The following GLRA1 variants were observed in gnomAD, a reference collection of about 807,000 sequenced individuals.
GLRA1 encodes glycine receptor subunit alpha-1.
GLRA1 carries 37 observed loss-of-function variants against 48.3 expected under a neutral mutation model. The observed-to-expected ratio is 0.77, with a 90% CI of 0.59 to 1.01. GLRA1 has a LOEUF of 1.01. Ranked by LOEUF, GLRA1 falls within the 50% of genes least tolerant of loss-of-function variation. The pLI is 0.00. For missense variants in GLRA1, 427 were observed against 571.0 expected, an observed-to-expected ratio of 0.75 and a Z score of 2.57; for synonymous variants, 196 against 210.7, an observed-to-expected ratio of 0.93 and a Z score of 0.60.
At chr5:151,897,981 T>C (rs1754263741) in intron 1 of GLRA1, among the ~76,000 whole-genome samples, 1 of 152,146 alleles carries the variant, frequency 6.6e-6, no homozygotes, top group Non-Finnish European at 1.5e-5. Flanking sequence ...TTTTGGTACT[T>C]AAAGGACCTC....
intron 3 of GLRA1, among the ~76,000 whole-genome samples, chr5:151,879,409 C>T (rs941634764): frequency 2.0e-5 from 3 of 151,688 alleles, no homozygotes. Flanking sequence ...GGCTGGAGTG[C>T]AGTGGCACCA....
chr5:151,922,954 G>A (rs567668484), intron 1 of GLRA1, among the ~76,000 whole-genome samples: 1 of 152,316 alleles, frequency 6.6e-6, no homozygotes, highest in East Asian at 1.9e-4. Context: ...CCATACATTT[G>A]TAGTTCTATT....
Position 151,873,464 on chromosome 5 carries a change from A to C in GLRA1, c.252+13257T>G, listed in dbSNP as rs544307262. 1.7e-4 allele frequency among the ~76,000 whole-genome samples: 25 copies of C among 150,346 alleles called. No homozygotes were observed. In the South Asian group the frequency reaches 4.2e-3, roughly 25 times the overall value. ...AGCTTGAGGTCAGGAATTTGAGACC[A>C]GCCTGGCCAATATGGTAAAACCCCA... is the stretch of plus-strand genomic sequence containing the variant. On this transcript the variant is annotated intron_variant, in intron 3 of 8. Transcript: ENST00000274576.
intron 7 of GLRA1, among the ~76,000 whole-genome samples, chr5:151,840,658 G>A (rs898694367): frequency 9.3e-5 from 14 of 150,496 alleles, no homozygotes; most frequent in Non-Finnish European, 1.8e-4. Flanking sequence ...TAGGATAAAA[G>A]TAGAAGAATG....
At chr5:151,848,180 C>T (rs150311208) in intron 7 of GLRA1, among the ~76,000 whole-genome samples, 32 of 152,314 alleles carry the variant, frequency 2.1e-4, no homozygotes, top group African/African-American at 7.5e-4. Flanking sequence ...TTCCTACTTT[C>T]CCTAACTGAT....
chr5:151,878,550 C>A (rs1753684364), intron 3 of GLRA1, among the ~76,000 whole-genome samples: 1 of 152,182 alleles, frequency 6.6e-6, no homozygotes, highest in Non-Finnish European at 1.5e-5. Context: ...AGCAGCCACT[C>A]CCATCACAGG....
intron 2 of GLRA1, among the ~76,000 whole-genome samples, chr5:151,891,104 AG>A (rs1258149115): frequency 6.6e-6 from 1 of 152,232 alleles, no homozygotes; most frequent in African/African-American, 2.4e-5. Context: ...AGGAACAGTG[AG>A]GAAGGGCACC....
At chr5:151,837,399 T>C (rs966876316) in intron 7 of GLRA1, among the ~76,000 whole-genome samples, 10 of 152,244 alleles carry the variant, frequency 6.6e-5, no homozygotes, top group Non-Finnish European at 1.3e-4. Flanking sequence ...TGGAAGACAG[T>C]GTGGCAATTC....
chr5:151,894,472 C>T (rs1467088952), intron 1 of GLRA1, among the ~76,000 whole-genome samples: 1 of 152,120 alleles, frequency 6.6e-6, no homozygotes, highest in Non-Finnish European at 1.5e-5. Flanking sequence ...AGATCAGTTT[C>T]CCCAGATGAC....
chr5:151,892,459 G>A (rs772851563), intron 1 of GLRA1, 21 bp from the exon 2 acceptor site: 2 of 1,613,484 alleles, frequency 1.2e-6, no homozygotes, highest in East Asian at 2.2e-5. Flanking sequence ...AGAGAGGAGA[G>A]CAAAAGGTTA....
chr5:151,914,936 C>T (rs558679252), intron 1 of GLRA1, among the ~76,000 whole-genome samples: 1 of 152,328 alleles, frequency 6.6e-6, no homozygotes, highest in South Asian at 2.1e-4. Context: ...CTAGTCTCCT[C>T]CTTCCTCCTC....
chr5:151,840,282 A>C (rs988269018), intron 7 of GLRA1, among the ~76,000 whole-genome samples: 2 of 152,038 alleles, frequency 1.3e-5, no homozygotes, highest in African/African-American at 4.8e-5. Context: ...TATTTTTTGT[A>C]AAGATGGGAT....
chr5:151,832,270 G>A (rs1763444966), intron 7 of GLRA1, among the ~76,000 whole-genome samples: 3 of 152,200 alleles, frequency 2.0e-5, no homozygotes, highest in Non-Finnish European at 4.4e-5. Flanking sequence ...CTCCTTGCCA[G>A]CAAGGGAACA....
Position 151,898,239 on chromosome 5 carries a change from C to T in GLRA1, c.57-5801G>A, listed in dbSNP as rs575612095. On this transcript the variant is annotated intron_variant, in intron 1 of 8. Transcript: ENST00000274576. ...TTTTTTTTTTTTCATACACTGGTCT[C>T]GGGATCCAGATTTGTCTGGACTTTT... Among the ~76,000 whole-genome samples the T allele has an allele frequency of 4.0e-5, 6 of 151,244 alleles. No individual in the cohort carries two copies. The South Asian group carries it at 8.4e-4, about 21-fold the overall frequency.
chr5:151,842,411 C>T (rs576920574), intron 7 of GLRA1, among the ~76,000 whole-genome samples: 31 of 150,356 alleles, frequency 2.1e-4, no homozygotes, highest in African/African-American at 6.8e-4. Context: ...AAGAATTATA[C>T]GTTATGAGTA....
chr5:151,846,471 T>G, intron 7 of GLRA1, among the ~76,000 whole-genome samples: 1 of 152,248 alleles, frequency 6.6e-6, no homozygotes, highest in East Asian at 1.9e-4. Context: ...TTAATAGTGA[T>G]CAGAGAATGT....
rs34164681 is a variant in GLRA1 at position 151,915,716 on chromosome 5, C to CATATATAT, written c.56+8770_56+8777dup. Among the ~76,000 whole-genome samples the CATATATAT allele has an allele frequency of 6.4e-4, 94 of 146,216 alleles. 1 individual carries two copies. Among genetic ancestry groups the CATATATAT allele is most frequent in the African/African-American group, 2.2e-3 (87 of 40,344 alleles). ...GTGTGTATGTAATGTATATGTAATACATATATATATATATATATATGAATA... is the reference window on the plus strand; with the variant it reads ...GTGTGTATGTAATGTATATGTAATACATATATATATATATATATATATATATATGAATA... On this transcript the variant is annotated intron_variant, in intron 1 of 8. Transcript: ENST00000274576.
At chr5:151,848,824 C>T (rs1281954426) in intron 7 of GLRA1, 2 of 496,690 alleles carry the variant, frequency 4.0e-6, no homozygotes, top group Non-Finnish European at 3.8e-6. Flanking sequence ...CCTCTCCTCA[C>T]CTCACTCTCA....
At chr5:151,836,237 T>A (rs1205415343) in intron 7 of GLRA1, among the ~76,000 whole-genome samples, 2 of 152,146 alleles carry the variant, frequency 1.3e-5, no homozygotes, top group Non-Finnish European at 2.9e-5. Context: ...TACCTAGGAA[T>A]ACAGCTTACA....
Sources: gnomAD v4.1 joint callset for allele counts (sites outside exome capture counted in the v4.1 genomes callset) on GRCh38, gnomAD v4.1.1 for gene constraint, MANE v1.5 for transcripts, NCBI Gene and HGNC (gene_info 2026-07-23, HGNC 2026-07-21) for gene names.